Variants in PACRG observed in about 807,000 individuals in gnomAD.
PACRG encodes parkin coregulated gene protein.
In PACRG, 29 loss-of-function variants were observed where a neutral mutation model predicts 29.7. That is an observed-to-expected ratio of 0.98 (90% CI 0.73 to 1.33). PACRG has a LOEUF of 1.33. PACRG is among the 40% of genes most tolerant of loss of function. PACRG has a pLI of 0.00. For missense variants in PACRG, 279 were observed against 316.2 expected (o/e 0.88, Z 0.89); for synonymous variants, 116 against 118.7 (o/e 0.98, Z 0.15).
intron 2 of PACRG, among the ~76,000 whole-genome samples, chr6:162,996,115 ATCT>A (rs1227224724): frequency 6.6e-6 from 1 of 152,142 alleles, no homozygotes; most frequent in Non-Finnish European, 1.5e-5. Context: ...AATAAATTAA[ATCT>A]TCTCACCACT....
At chr6:163,175,977 T>C (rs1779338901) in intron 4 of PACRG, among the ~76,000 whole-genome samples, 1 of 152,216 alleles carries the variant, frequency 6.6e-6, no homozygotes, top group Admixed American at 6.5e-5. Flanking sequence ...ATAGCCCAGG[T>C]AATGAGTCTA....
chr6:162,919,951 A>G (rs932013653), intron 2 of PACRG, among the ~76,000 whole-genome samples: 1 of 152,164 alleles, frequency 6.6e-6, no homozygotes, highest in African/African-American at 2.4e-5. Flanking sequence ...TTCTAAAAAG[A>G]TGATCTCTCT....
Position 162,814,152 on chromosome 6 carries a change from AG to A in PACRG, c.164del (p.Gly55AlafsTer44). 6.2e-7 allele frequency: 1 copy of A among 1,609,930 alleles called. No homozygotes were observed. Among genetic ancestry groups the A allele is most frequent in the Non-Finnish European group, 8.5e-7 (1 of 1,177,622 alleles). On this transcript the variant is annotated frameshift_variant, in exon 2 of 5. Transcript: ENST00000366888. LOFTEE classifies it high-confidence loss of function. The stretch of plus-strand genomic sequence containing the variant: ...TTTTTTTTTTTCCAATTAAGGTGAG[AG>A]GCCCTCCAGCTGCAGGGGCATTTAA... ...KAMMKNSVVR[G>X]PPAAGAFKER...
intron 3 of PACRG, among the ~76,000 whole-genome samples, chr6:163,064,576 C>A (rs1811373248): frequency 6.6e-6 from 1 of 152,158 alleles, no homozygotes. Context: ...TAAAAGCAGA[C>A]TTTTCTCAAG....
At chr6:163,129,431 G>C (rs927595867) in intron 4 of PACRG, among the ~76,000 whole-genome samples, 20 of 152,328 alleles carry the variant, frequency 1.3e-4, no homozygotes, top group Middle Eastern at 3.4e-3. Context: ...ACGAAGGAAT[G>C]AGACTGCAGC....
At chr6:162,879,210 G>A (rs776891273) in intron 2 of PACRG, among the ~76,000 whole-genome samples, 7 of 152,114 alleles carry the variant, frequency 4.6e-5, no homozygotes, top group South Asian at 2.1e-4. Flanking sequence ...AATTGTGCAC[G>A]AAGAGACATA....
chr6:162,969,966 A>C (rs1801387957), intron 2 of PACRG, among the ~76,000 whole-genome samples: 1 of 152,204 alleles, frequency 6.6e-6, no homozygotes, highest in Non-Finnish European at 1.5e-5. Context: ...AGCACCTTGG[A>C]GTAAATGAAT....
intron 2 of PACRG, among the ~76,000 whole-genome samples, chr6:162,836,213 C>G (rs1261344048): frequency 6.6e-6 from 1 of 152,020 alleles, no homozygotes. Flanking sequence ...TTTATTCCTT[C>G]GAATTTTCAT....
intron 1 of PACRG, among the ~76,000 whole-genome samples, chr6:162,770,593 C>G (rs1426117181): frequency 1.3e-5 from 2 of 152,116 alleles, no homozygotes; most frequent in Non-Finnish European, 2.9e-5. Flanking sequence ...TTCAGAGGCT[C>G]TGTCACTCAT....
At chr6:162,836,002 T>C (rs1169568304) in intron 2 of PACRG, among the ~76,000 whole-genome samples, 1 of 152,172 alleles carries the variant, frequency 6.6e-6, no homozygotes, top group East Asian at 1.9e-4. Context: ...TCCCACATCC[T>C]GTTCTGTCTT....
intron 4 of PACRG, among the ~76,000 whole-genome samples, chr6:163,116,725 G>A (rs760778678): frequency 6.6e-6 from 1 of 152,190 alleles, no homozygotes; most frequent in Non-Finnish European, 1.5e-5. Context: ...ATGGAGAGGA[G>A]GAAAAAGCCT....
rs548635303 is a variant in PACRG at position 163,048,350 on chromosome 6, A to T, written c.292-13800A>T. ...TTTTATTTTTTAGTGAAGAAATTTTATCAAAAGTTTTATCTGCATCTATTA... is the reference window on the plus strand; with the variant it reads ...TTTTATTTTTTAGTGAAGAAATTTTTTCAAAAGTTTTATCTGCATCTATTA... On this transcript the variant is annotated intron_variant, in intron 2 of 4. Coordinates refer to ENST00000366888, the MANE Select transcript of PACRG (RefSeq NM_001080379.2). Among the ~76,000 whole-genome samples the T allele has an allele frequency of 9.1e-4, 139 of 152,316 alleles. No individual in the cohort carries two copies. The Middle Eastern group carries it at 0.01, about 11-fold the overall frequency.
chr6:163,062,293 C>G lies in PACRG; in HGVS notation c.435C>G (p.Val145=). The G allele has an allele frequency of 6.2e-7, 1 of 1,613,648 alleles. No individual in the cohort carries two copies. The highest frequency in any genetic ancestry group is 1.7e-5 in the Admixed American group (1 of 59,922). ...LEHGGNKILP[V]LPQLIIPIKN... ...ACGGTGGGAACAAGATCCTACCTGT[C>G]CTTCCACAGCTCATTATCCCGATAA... The change falls in exon 3 of 5, where the codon GTC becomes GTG. Residue 145 remains valine, a synonymous_variant. Coordinates refer to ENST00000366888, the MANE Select transcript of PACRG (RefSeq NM_001080379.2).
chr6:163,182,451 A>G (rs1009252595), intron 4 of PACRG, among the ~76,000 whole-genome samples: 5 of 152,252 alleles, frequency 3.3e-5, no homozygotes, highest in Non-Finnish European at 1.5e-5. Context: ...GTCTTCCTCC[A>G]GAATAACAAT....
At chr6:163,012,196 C>G (rs540961437) in intron 2 of PACRG, among the ~76,000 whole-genome samples, 1 of 152,286 alleles carries the variant, frequency 6.6e-6, no homozygotes, top group East Asian at 1.9e-4. Context: ...TTATTCTAAT[C>G]CTAAGGTCCA....
At chr6:163,186,528 T>C (rs1779943307) in intron 4 of PACRG, among the ~76,000 whole-genome samples, 1 of 152,194 alleles carries the variant, frequency 6.6e-6, no homozygotes, top group African/African-American at 2.4e-5. Flanking sequence ...TGCCTGGCTG[T>C]GCCCACAGTC....
intron 2 of PACRG, among the ~76,000 whole-genome samples, chr6:162,947,613 TA>T (rs527656277): frequency 0.14 from 2,031 of 14,862 alleles, 138 homozygotes; most frequent in Non-Finnish European, 0.18. Context: ...TATATAATCA[TA>T]TATATATATA....
At chr6:163,100,243 G>A (rs1814977154) in intron 4 of PACRG, among the ~76,000 whole-genome samples, 1 of 152,036 alleles carries the variant, frequency 6.6e-6, no homozygotes, top group Non-Finnish European at 1.5e-5. Flanking sequence ...TGGGATCCCT[G>A]GGCCCTTCTA....
chr6:163,166,970 C>T (rs1299419416), intron 4 of PACRG, among the ~76,000 whole-genome samples: 3 of 152,174 alleles, frequency 2.0e-5, no homozygotes. Context: ...AATCTGCATG[C>T]TTTTCTATCC....
Sources: allele counts gnomAD v4.1 joint callset (sites outside exome capture counted in the v4.1 genomes callset), GRCh38; gene constraint gnomAD v4.1.1; transcripts MANE v1.5; gene names NCBI Gene and HGNC (gene_info 2026-07-23, HGNC 2026-07-21).